Variants in BCL2A1 observed in about 807,000 individuals in gnomAD.
BCL2A1 encodes BCL2 related protein A1, also known as bcl-2-related protein A1.
BCL2A1 carries 10 observed loss-of-function variants against 14.4 expected under a neutral mutation model. The observed-to-expected ratio is 0.69, with a 90% CI of 0.43 to 1.18. BCL2A1 has a LOEUF of 1.18. Among genes scored for constraint, BCL2A1 ranks in the 50% most tolerant of loss-of-function variants. The pLI is 0.00. For missense variants in BCL2A1, 158 were observed against 205.0 expected, an observed-to-expected ratio of 0.77 and a Z score of 1.40; for synonymous variants, 71 against 76.5, an observed-to-expected ratio of 0.93 and a Z score of 0.38.
chr15:79,965,966 A>G (rs891754451), intron 1 of BCL2A1, among the ~76,000 whole-genome samples: 23 of 151,592 alleles, frequency 1.5e-4, no homozygotes, highest in African/African-American at 5.6e-4. Flanking sequence ...CAAAGAAAAA[A>G]AAAAAAAAGA....
At chr15:79,963,805 G>C (rs1161793490) in intron 1 of BCL2A1, among the ~76,000 whole-genome samples, 2 of 151,984 alleles carry the variant, frequency 1.3e-5, no homozygotes, top group Non-Finnish European at 2.9e-5. Context: ...ATCTAAAAGG[G>C]GAAAACTCGA....
In BCL2A1 at chr15:79,968,248, A is replaced by C. The variant is rs138357427; in HGVS notation, c.420+2452T>G. ...AATCCAAACCCAAATAGAGCCTGCA[A>C]ACTAGTAGAGTATTTCTCTGCAGGC... On this transcript the variant is annotated intron_variant, in intron 1 of 1. Coordinates refer to ENST00000267953, the MANE Select transcript of BCL2A1 (RefSeq NM_004049.4). Among the ~76,000 whole-genome samples the C allele has an allele frequency of 5.4e-3, 829 of 152,346 alleles. 14 individuals carry two copies. The highest frequency in any genetic ancestry group is 0.019 in the African/African-American group (773 of 41,578).
chr15:79,967,055 T>C (rs2035548200), intron 1 of BCL2A1, among the ~76,000 whole-genome samples: 1 of 152,150 alleles, frequency 6.6e-6, no homozygotes, highest in Admixed American at 6.6e-5. Context: ...TCCCAGGACA[T>C]AGGTTGCAAT....
At chr15:79,964,432 G>A (rs1035810774) in intron 1 of BCL2A1, among the ~76,000 whole-genome samples, 4 of 152,088 alleles carry the variant, frequency 2.6e-5, no homozygotes, top group African/African-American at 9.7e-5. Context: ...TTGCGCCACT[G>A]CACTCCAGCC....
intron 1 of BCL2A1, 142 bp downstream of exon 1, chr15:79,970,553 ATATTT>A: frequency 1.2e-6 from 1 of 821,182 alleles, no homozygotes; most frequent in Non-Finnish European, 1.9e-6. Flanking sequence ...GCCAGAAAGT[ATATTT>A]TTATTTTAAA....
chr15:79,967,737 T>A (rs1281835813), intron 1 of BCL2A1: 1 of 1,211,070 alleles, frequency 8.3e-7, no homozygotes, highest in Non-Finnish European at 1.2e-6. Context: ...TTAAGCAGAT[T>A]TGTCAACATC....
At chr15:79,968,840 G>T (rs1406811312) in intron 1 of BCL2A1, among the ~76,000 whole-genome samples, 2 of 152,220 alleles carry the variant, frequency 1.3e-5, no homozygotes, top group Non-Finnish European at 2.9e-5. Flanking sequence ...TGAGGCAGGA[G>T]AATTGCTCGA....
chr15:79,968,628 A>T (rs971389322), intron 1 of BCL2A1, among the ~76,000 whole-genome samples: 4 of 152,370 alleles, frequency 2.6e-5, no homozygotes, highest in African/African-American at 9.6e-5. Context: ...ACTAAAAGAT[A>T]TCTGCCACAT....
chr15:79,967,786 C>T (rs2035556525), intron 1 of BCL2A1: 1 of 823,084 alleles, frequency 1.2e-6, no homozygotes, highest in East Asian at 2.7e-5. Flanking sequence ...TGCCAGTTTG[C>T]ACTGACTCAA....
chr15:79,964,426 G>C (rs1002871052), intron 1 of BCL2A1, among the ~76,000 whole-genome samples: 1 of 152,040 alleles, frequency 6.6e-6, no homozygotes, highest in African/African-American at 2.4e-5. Flanking sequence ...CCAAGATTGC[G>C]CCACTGCACT....
At chr15:79,969,967 C>T (rs528142435) in intron 1 of BCL2A1, among the ~76,000 whole-genome samples, 44 of 152,148 alleles carry the variant, frequency 2.9e-4, no homozygotes, top group African/African-American at 7.5e-4. Flanking sequence ...CTGTGTCAGG[C>T]TTTTTACCAA....
chr15:79,970,708 C>T lies in BCL2A1; in HGVS notation c.412G>A (p.Gly138Arg), dbSNP rs1472374244. The T allele has an allele frequency of 8.8e-6, 14 of 1,597,430 alleles. No individual in the cohort carries two copies. The highest frequency in any genetic ancestry group is 2.2e-5 in the South Asian group (2 of 89,602). ...NNTGEWIRQN[G>R]GWENGFVKKF... ...TTTTCCATCACACATACCCAGCCTCCGTTTTGCCTTATCCATTCTCCTGTG... is the reference window on the plus strand; with the variant it reads ...TTTTCCATCACACATACCCAGCCTCTGTTTTGCCTTATCCATTCTCCTGTG... The change falls in exon 1 of 2, where the codon GGA (glycine) becomes AGA (arginine). Residue 138 changes from glycine (G) to arginine (R), a missense_variant. Physicochemically the swap from Gly to Arg is moderately radical, Grantham distance 125. Transcript: ENST00000267953.
intron 1 of BCL2A1, 63 bp downstream of exon 1, chr15:79,970,637 A>G: frequency 6.8e-7 from 1 of 1,473,764 alleles, no homozygotes; most frequent in South Asian, 1.4e-5. Context: ...TTTAACTAGC[A>G]AGGAAATTCT....
At chr15:79,963,209 C>T (rs975710703) in intron 1 of BCL2A1, among the ~76,000 whole-genome samples, 6 of 150,740 alleles carry the variant, frequency 4.0e-5, no homozygotes, top group Non-Finnish European at 5.9e-5. Flanking sequence ...AGGATAGTCT[C>T]GATCTCTTGA....
chr15:79,960,987 G>T lies in BCL2A1; in HGVS notation c.*80C>A. The T allele has an allele frequency of 6.3e-7, 1 of 1,586,150 alleles. No individual in the cohort carries two copies. Among genetic ancestry groups the T allele is most frequent in the Admixed American group, 1.7e-5 (1 of 57,524 alleles). On this transcript the variant is annotated 3_prime_UTR_variant, in exon 2 of 2. Coordinates refer to ENST00000267953, the MANE Select transcript of BCL2A1 (RefSeq NM_004049.4). ...CATCATCAAAGTTGTTTATTTAAAAGTAGAAGTATGTGTTGGCAATCGTTT... is the reference window on the plus strand; with the variant it reads ...CATCATCAAAGTTGTTTATTTAAAATTAGAAGTATGTGTTGGCAATCGTTT...
chr15:79,968,485 G>T (rs1464726072), intron 1 of BCL2A1, among the ~76,000 whole-genome samples: 1 of 152,222 alleles, frequency 6.6e-6, no homozygotes, highest in African/African-American at 2.4e-5. Context: ...GGGAGTAGCT[G>T]CAGTAAGCTC....
rs375445253 is a variant in BCL2A1 at position 79,970,760 on chromosome 15, A to G, written c.360T>C (p.Tyr120=). ...PDVDTYKEIS[Y]FVAEFIMNNT... is the part of the protein sequence containing the mutation. Reference sequence around the variant, plus strand: ...TATTCATTATGAACTCCGCAACAAAATATGAAATCTCCTTATAGGTATCCA... The same window carrying G: ...TATTCATTATGAACTCCGCAACAAAGTATGAAATCTCCTTATAGGTATCCA... Residue 120 remains tyrosine, a synonymous_variant, in exon 1 of 2, where the codon TAT becomes TAC. Coordinates refer to ENST00000267953, the MANE Select transcript of BCL2A1 (RefSeq NM_004049.4). 3.5e-4 allele frequency: 567 copies of G among 1,614,052 alleles called. No individual in the cohort carries two copies. Among genetic ancestry groups the G allele is most frequent in the Non-Finnish European group, 4.3e-4 (509 of 1,180,012 alleles).
At chr15:79,962,386 G>A (rs575043193) in intron 1 of BCL2A1, among the ~76,000 whole-genome samples, 7 of 152,146 alleles carry the variant, frequency 4.6e-5, no homozygotes, top group Admixed American at 6.5e-5. Flanking sequence ...GTCATGCCTT[G>A]ACAGAGGAAG....
chr15:79,965,285 G>A (rs554053359), intron 1 of BCL2A1, among the ~76,000 whole-genome samples: 49 of 151,966 alleles, frequency 3.2e-4, no homozygotes, highest in Non-Finnish European at 6.0e-4. Context: ...GCGCCACCAC[G>A]CCCAGCTAAT....
Sources: allele counts gnomAD v4.1 joint callset (sites outside exome capture counted in the v4.1 genomes callset), GRCh38; gene constraint gnomAD v4.1.1; transcripts MANE v1.5; gene names NCBI Gene and HGNC (gene_info 2026-07-23, HGNC 2026-07-21).